Variants in CELF4 observed in about 807,000 individuals in gnomAD.
CELF4 encodes CUG-BP- and ETR-3-like factor 4.
Under a neutral mutation model 59.9 loss-of-function variants are expected in CELF4, and 18 were observed. That is an observed-to-expected ratio of 0.30 (90% CI 0.21 to 0.45). The LOEUF (loss-of-function observed/expected upper bound fraction) is 0.45, where lower values mean the gene tolerates loss of function less well. Ranked by LOEUF, CELF4 falls within the 20% of genes least tolerant of loss-of-function variation. The probability of loss-of-function intolerance (pLI) is 1.00; values close to 1 mark genes in which losing one functional copy is unlikely to be tolerated. For synonymous variants in CELF4, 261 were observed against 267.1 expected (o/e 0.98, Z 0.22); for missense variants, 456 against 689.0 (o/e 0.66, Z 3.79).
chr18:37,288,036 A>G (rs770562856), intron 3 of CELF4, among the ~76,000 whole-genome samples: 8 of 152,200 alleles, frequency 5.3e-5, no homozygotes, highest in Non-Finnish European at 1.2e-4. Flanking sequence ...TCTCAAAATA[A>G]CAAGGAATGC....
At chr18:37,396,195 C>A (rs758631026) in intron 2 of CELF4, among the ~76,000 whole-genome samples, 1 of 152,190 alleles carries the variant, frequency 6.6e-6, no homozygotes, top group African/African-American at 2.4e-5. Flanking sequence ...AGCAAAGATG[C>A]ATTTGGATGT....
chr18:37,513,311 C>T (rs1332526473), intron 1 of CELF4, among the ~76,000 whole-genome samples: 1 of 152,214 alleles, frequency 6.6e-6, no homozygotes, highest in African/African-American at 2.4e-5. Context: ...CATGCAGGAC[C>T]TTCTCTTTCA....
At chr18:37,277,786 TG>T (rs888456628) in intron 3 of CELF4, among the ~76,000 whole-genome samples, 51 of 152,278 alleles carry the variant, frequency 3.3e-4, no homozygotes, top group African/African-American at 1.2e-3. Flanking sequence ...CAACCTTTAG[TG>T]CCTTTTAAAG....
chr18:37,494,730 T>A (rs1319860523), intron 1 of CELF4, among the ~76,000 whole-genome samples: 2 of 152,164 alleles, frequency 1.3e-5, no homozygotes, highest in East Asian at 3.9e-4. Flanking sequence ...TCCTGATGGC[T>A]ATTTTTGGGC....
chr18:37,464,268 TTGGCTGGAGAGGGGTC>T (rs1159590679), intron 2 of CELF4, among the ~76,000 whole-genome samples: 2 of 142,602 alleles, frequency 1.4e-5, no homozygotes, highest in Admixed American at 7.6e-5. Flanking sequence ...GGCAGGAAGG[TTGGCTGGAGAGGGGTC>T]TGGGCTGAGT....
intron 1 of CELF4, among the ~76,000 whole-genome samples, chr18:37,546,745 C>T (rs7244667): frequency 0.6 from 91,156 of 152,090 alleles, 31,051 homozygotes; most frequent in East Asian, 0.81. Flanking sequence ...AGTGTAAATA[C>T]AAAACCCATG....
chr18:37,327,351 G>A (rs1174806003), intron 2 of CELF4, among the ~76,000 whole-genome samples: 2 of 152,114 alleles, frequency 1.3e-5, no homozygotes, highest in East Asian at 1.9e-4. Context: ...TCCTGGTCCT[G>A]GTATGACCTG....
chr18:37,251,084 C>G (rs1193375317), intron 12 of CELF4, among the ~76,000 whole-genome samples: 1 of 152,106 alleles, frequency 6.6e-6, no homozygotes, highest in African/African-American at 2.4e-5. Flanking sequence ...CAAAGCTTGG[C>G]TCTGTGACTC....
At chr18:37,437,852 C>A (rs969917901) in intron 2 of CELF4, among the ~76,000 whole-genome samples, 1 of 152,254 alleles carries the variant, frequency 6.6e-6, no homozygotes, top group Non-Finnish European at 1.5e-5. Flanking sequence ...CGTTTGTGTC[C>A]CCCTGCCACC....
At chr18:37,487,136 C>T (rs1018933571) in intron 1 of CELF4, among the ~76,000 whole-genome samples, 2 of 152,212 alleles carry the variant, frequency 1.3e-5, no homozygotes, top group African/African-American at 4.8e-5. Flanking sequence ...TTGCTTTAGA[C>T]TCTGGTTGCC....
intron 1 of CELF4, among the ~76,000 whole-genome samples, chr18:37,517,508 C>T (rs1000876863): frequency 2.0e-5 from 3 of 152,104 alleles, no homozygotes; most frequent in African/African-American, 4.8e-5. Context: ...CTGTCACTCT[C>T]CTCTTACACT....
chr18:37,422,449 T>A (rs956506127), intron 2 of CELF4, among the ~76,000 whole-genome samples: 1 of 152,188 alleles, frequency 6.6e-6, no homozygotes, highest in African/African-American at 2.4e-5. Context: ...CCCAAGCCCC[T>A]GCACTTCTTA....
At chr18:37,438,621 G>A (rs977038147) in intron 2 of CELF4, among the ~76,000 whole-genome samples, 3 of 152,168 alleles carry the variant, frequency 2.0e-5, no homozygotes. Context: ...CTGGAGTGGT[G>A]CAGGAGCCGT....
chr18:37,391,073 G>A (rs2099156183), intron 2 of CELF4, among the ~76,000 whole-genome samples: 1 of 152,226 alleles, frequency 6.6e-6, no homozygotes, highest in Non-Finnish European at 1.5e-5. Flanking sequence ...TGGCCGGCCT[G>A]AGGTGCCACC....
At chr18:37,532,030 A>G (rs1329906744) in intron 1 of CELF4, among the ~76,000 whole-genome samples, 1 of 152,228 alleles carries the variant, frequency 6.6e-6, no homozygotes, top group East Asian at 1.9e-4. Context: ...CCTTGGGTCC[A>G]GACACTTGAT....
intron 2 of CELF4, among the ~76,000 whole-genome samples, chr18:37,402,234 G>T (rs1027831601): frequency 6.6e-6 from 1 of 152,192 alleles, no homozygotes; most frequent in Non-Finnish European, 1.5e-5. Context: ...ATCCATAAGT[G>T]TTTGGTCTGA....
chr18:37,397,719 C>T (rs1394843748), intron 2 of CELF4, among the ~76,000 whole-genome samples: 1 of 152,204 alleles, frequency 6.6e-6, no homozygotes, highest in Non-Finnish European at 1.5e-5. Flanking sequence ...TTGTAAGTAG[C>T]ACTGGCTGTA....
At chr18:37,537,759 C>T (rs2099974690) in intron 1 of CELF4, among the ~76,000 whole-genome samples, 1 of 152,234 alleles carries the variant, frequency 6.6e-6, no homozygotes, top group Admixed American at 6.5e-5. Flanking sequence ...TTATGTCCGC[C>T]AGACACAAGC....
At chr18:37,461,537 T>C (rs1303541144) in intron 2 of CELF4, among the ~76,000 whole-genome samples, 1 of 152,188 alleles carries the variant, frequency 6.6e-6, no homozygotes, top group Non-Finnish European at 1.5e-5. Flanking sequence ...ACCAGGTCCC[T>C]CCCACAACGG....
Sources: gnomAD v4.1 joint callset for allele counts (sites outside exome capture counted in the v4.1 genomes callset) on GRCh38, gnomAD v4.1.1 for gene constraint, MANE v1.5 for transcripts, NCBI Gene and HGNC (gene_info 2026-07-23, HGNC 2026-07-21) for gene names.